Variants in NRXN3 observed in about 807,000 individuals in gnomAD.
NRXN3 encodes the protein neurexin III.
Under a neutral mutation model 137.6 loss-of-function variants are expected in NRXN3, and 32 were observed. The observed-to-expected ratio is 0.23, with a 90% CI of 0.18 to 0.31. The LOEUF is 0.31. NRXN3 is among the 10% of genes least tolerant of loss of function. NRXN3 has a pLI of 1.00. For missense variants in NRXN3, 1,574 were observed against 2,062.5 expected, an observed-to-expected ratio of 0.76 and a Z score of 4.59; for synonymous variants, 798 against 784.5, an observed-to-expected ratio of 1.02 and a Z score of -0.29.
intron 4 of NRXN3, among the ~76,000 whole-genome samples, chr14:78,332,387 C>T (rs1420189382): frequency 2.0e-5 from 3 of 150,484 alleles, no homozygotes; most frequent in African/African-American, 7.4e-5. Context: ...ATGATCTCAG[C>T]TCACTGCAAC....
chr14:78,659,218 A>G (rs2097812341), intron 6 of NRXN3, among the ~76,000 whole-genome samples: 1 of 152,212 alleles, frequency 6.6e-6, no homozygotes, highest in Admixed American at 6.5e-5. Flanking sequence ...CAAGCTAAGA[A>G]CAGAGGCTTC....
intron 4 of NRXN3, among the ~76,000 whole-genome samples, chr14:78,334,515 C>G (rs759396869): frequency 5.9e-5 from 9 of 152,166 alleles, no homozygotes; most frequent in Non-Finnish European, 7.3e-5. Flanking sequence ...ACAAGATGAT[C>G]CCCTGGGATG....
chr14:78,436,475 A>G (rs2094069917), intron 4 of NRXN3, among the ~76,000 whole-genome samples: 1 of 152,174 alleles, frequency 6.6e-6, no homozygotes, highest in African/African-American at 2.4e-5. Flanking sequence ...ATGCCAAAGA[A>G]CTATCAATGA....
chr14:79,781,692 G>A (rs538941529), intron 19 of NRXN3, among the ~76,000 whole-genome samples: 1 of 152,290 alleles, frequency 6.6e-6, no homozygotes, highest in African/African-American at 2.4e-5. Flanking sequence ...CTCAGGATAC[G>A]AATCAAACCT....
intron 10 of NRXN3, among the ~76,000 whole-genome samples, chr14:78,897,565 A>G (rs983465316): frequency 1.3e-5 from 2 of 151,910 alleles, no homozygotes; most frequent in Non-Finnish European, 2.9e-5. Flanking sequence ...ATGGGGTGAC[A>G]CTGGGAGTGA....
At chr14:78,388,962 G>A in intron 4 of NRXN3, among the ~76,000 whole-genome samples, 1 of 151,342 alleles carries the variant, frequency 6.6e-6, no homozygotes, top group East Asian at 1.9e-4. Flanking sequence ...ATGCTGTGAT[G>A]TATATATGAG....
At chr14:78,269,338 T>A (rs1448339624) in intron 2 of NRXN3, among the ~76,000 whole-genome samples, 2 of 152,212 alleles carry the variant, frequency 1.3e-5, no homozygotes, top group Non-Finnish European at 2.9e-5. Context: ...AATAAGCCAG[T>A]CATAAAAAGA....
intron 4 of NRXN3, among the ~76,000 whole-genome samples, chr14:78,554,167 A>G (rs2096717782): frequency 6.6e-6 from 1 of 152,004 alleles, no homozygotes; most frequent in African/African-American, 2.4e-5. Flanking sequence ...GCACTTTGAC[A>G]CCTCCTCCTA....
intron 4 of NRXN3, among the ~76,000 whole-genome samples, chr14:78,602,245 T>C (rs893993369): frequency 7.3e-5 from 11 of 151,366 alleles, no homozygotes; most frequent in African/African-American, 1.9e-4. Flanking sequence ...CTTCTCTGGT[T>C]TGGTTTGCAT....
intron 3 of NRXN3, among the ~76,000 whole-genome samples, chr14:78,279,192 G>A (rs2074047593): frequency 2.0e-5 from 3 of 151,530 alleles, no homozygotes; most frequent in Admixed American, 1.3e-4. Context: ...TGCTCACTGT[G>A]GAAAAAAAAA....
At chr14:79,478,927 T>A (rs1190571054) in intron 16 of NRXN3, among the ~76,000 whole-genome samples, 1 of 152,070 alleles carries the variant, frequency 6.6e-6, no homozygotes, top group African/African-American at 2.4e-5. Context: ...CCTTATCTTG[T>A]TCATCTCTCA....
chr14:78,629,238 C>T (rs542853987), intron 4 of NRXN3, among the ~76,000 whole-genome samples: 7 of 152,252 alleles, frequency 4.6e-5, no homozygotes, highest in Admixed American at 3.3e-4. Context: ...GGGCCTCTTG[C>T]GATGACAGGC....
At chr14:79,770,127 G>T (rs1380111691) in intron 19 of NRXN3, among the ~76,000 whole-genome samples, 1 of 151,612 alleles carries the variant, frequency 6.6e-6, no homozygotes, top group African/African-American at 2.4e-5. Flanking sequence ...CATAAAGCAA[G>T]TCCTGAGTGA....
chr14:78,316,836 G>C (rs936678560), intron 4 of NRXN3, among the ~76,000 whole-genome samples: 10 of 152,084 alleles, frequency 6.6e-5, no homozygotes, highest in Non-Finnish European at 1.3e-4. Flanking sequence ...CTTCATTTTT[G>C]GCAGCTCCTG....
chr14:78,854,602 A>G (rs150352675), intron 10 of NRXN3, among the ~76,000 whole-genome samples: 1 of 152,298 alleles, frequency 6.6e-6, no homozygotes, highest in Non-Finnish European at 1.5e-5. Flanking sequence ...AAGTGTGTGT[A>G]TAAGTATATG....
chr14:79,030,109 T>G (rs2099605137), intron 15 of NRXN3, among the ~76,000 whole-genome samples: 1 of 150,222 alleles, frequency 6.7e-6, no homozygotes, highest in Admixed American at 6.6e-5. Context: ...CTTGAACTCC[T>G]GAGCTCAAGC....
intron 1 of NRXN3, among the ~76,000 whole-genome samples, chr14:78,229,229 C>T (rs2065060914): frequency 6.6e-6 from 1 of 151,518 alleles, no homozygotes; most frequent in African/African-American, 2.4e-5. Context: ...CCTCCTACTT[C>T]TGCAGAGAAG....
At chr14:79,776,517 G>T (rs1292244114) in intron 19 of NRXN3, among the ~76,000 whole-genome samples, 2 of 152,156 alleles carry the variant, frequency 1.3e-5, no homozygotes, top group Admixed American at 6.6e-5. Context: ...CATGGGCATG[G>T]TTATCTCATC....
chr14:78,836,432 G>T (rs1380570367), intron 10 of NRXN3, among the ~76,000 whole-genome samples: 1 of 152,162 alleles, frequency 6.6e-6, no homozygotes, highest in African/African-American at 2.4e-5. Context: ...ATGAGAAGCT[G>T]GCCAAAGTGT....
Sources: gnomAD v4.1 joint callset for allele counts (sites outside exome capture counted in the v4.1 genomes callset) on GRCh38, gnomAD v4.1.1 for gene constraint, MANE v1.5 for transcripts, NCBI Gene and HGNC (gene_info 2026-07-23, HGNC 2026-07-21) for gene names.